Variants in RAB3B observed in about 807,000 individuals in gnomAD.
RAB3B encodes the protein ras-related protein Rab-3B.
In RAB3B, 11 loss-of-function variants were observed where a neutral mutation model predicts 20.5. That is an observed-to-expected ratio of 0.54 (90% confidence interval 0.34 to 0.89). The LOEUF (loss-of-function observed/expected upper bound fraction) is 0.89, where lower values mean the gene tolerates loss of function less well. Ranked by LOEUF, RAB3B falls within the 40% of genes least tolerant of loss-of-function variation. The probability of loss-of-function intolerance (pLI) is 0.02; values close to 1 mark genes in which losing one functional copy is unlikely to be tolerated. For missense variants in RAB3B, 225 were observed against 280.9 expected (o/e 0.80, Z 1.42); for synonymous variants, 99 against 106.3 (o/e 0.93, Z 0.42).
intron 2 of RAB3B, among the ~76,000 whole-genome samples, chr1:51,965,504 G>A (rs1010767833): frequency 2.6e-5 from 4 of 151,792 alleles, no homozygotes; most frequent in Non-Finnish European, 4.4e-5. Flanking sequence ...AAAATTAGCC[G>A]GGTGCGGTGG....
intron 4 of RAB3B, among the ~76,000 whole-genome samples, chr1:51,927,685 T>C (rs771506017): frequency 1.1e-4 from 16 of 152,292 alleles, no homozygotes; most frequent in Admixed American, 2.6e-4. Flanking sequence ...TAATCCCAGC[T>C]ATTTGGGATC....
chr1:51,952,462 T>C (rs930172386), intron 2 of RAB3B, among the ~76,000 whole-genome samples: 4 of 152,194 alleles, frequency 2.6e-5, no homozygotes, highest in African/African-American at 9.7e-5. Flanking sequence ...CCTCAATGTA[T>C]GTGGCATATC....
Position 51,912,588 on chromosome 1 carries a change from TATATATATATATA to T in RAB3B, c.*7326_*7338del, listed in dbSNP as rs1557958062. 4 of 81,818 alleles carry T rather than the reference TATATATATATATA, an allele frequency of 4.9e-5. No homozygotes were observed. Among genetic ancestry groups the T allele is most frequent in the Non-Finnish European group, 6.8e-5 (3 of 43,924 alleles). 5.1% of individuals were successfully genotyped at this position (81,818 alleles called of 1,614,324 possible). A position where few individuals can be genotyped will look rare whatever the true frequency, so the allele number is the denominator to read the frequency against. On this transcript the variant is annotated 3_prime_UTR_variant, in exon 5 of 5. Coordinates refer to ENST00000371655, the MANE Select transcript of RAB3B (RefSeq NM_002867.4). ...ATATATATATATATATATATATATA[TATATATATATATA>T]AAAAATGTTACTCCTGTGAGACAGA...
intron 2 of RAB3B, among the ~76,000 whole-genome samples, chr1:51,944,911 AAAG>A (rs1571965850): frequency 6.6e-6 from 1 of 152,362 alleles, no homozygotes; most frequent in East Asian, 1.9e-4. Flanking sequence ...TCAAATTTTT[AAAG>A]AAGTTCTACT....
intron 1 of RAB3B, among the ~76,000 whole-genome samples, chr1:51,983,846 G>C (rs1477506565): frequency 6.6e-6 from 1 of 151,774 alleles, no homozygotes. Context: ...TGTAATTCCA[G>C]CTAGTCAGGA....
intron 2 of RAB3B, 84 bp downstream of exon 2, chr1:51,976,806 C>A: frequency 8.0e-7 from 1 of 1,248,716 alleles, no homozygotes; most frequent in Non-Finnish European, 1.1e-6. Flanking sequence ...CCCAGAAGTT[C>A]CAAGCTGGCC....
At chr1:51,953,292 C>A (rs997499482) in intron 2 of RAB3B, among the ~76,000 whole-genome samples, 1 of 152,090 alleles carries the variant, frequency 6.6e-6, no homozygotes, top group African/African-American at 2.4e-5. Flanking sequence ...ACCTGCTGTA[C>A]CCTTTATGTG....
chr1:51,970,580 T>C (rs1684915189), intron 2 of RAB3B, among the ~76,000 whole-genome samples: 1 of 151,954 alleles, frequency 6.6e-6, no homozygotes, highest in Admixed American at 6.6e-5. Context: ...GCTCATAACC[T>C]CCTCTTCTTG....
intron 2 of RAB3B, among the ~76,000 whole-genome samples, chr1:51,952,862 G>C (rs1435316583): frequency 6.6e-6 from 1 of 151,978 alleles, no homozygotes; most frequent in East Asian, 1.9e-4. Flanking sequence ...CTCTTCCCCT[G>C]TTCTCTCCCT....
At chr1:51,981,469 C>T (rs1171684587) in intron 1 of RAB3B, among the ~76,000 whole-genome samples, 1 of 152,178 alleles carries the variant, frequency 6.6e-6, no homozygotes, top group Non-Finnish European at 1.5e-5. Flanking sequence ...ATTTATATAT[C>T]CTTCAGAGAT....
intron 2 of RAB3B, among the ~76,000 whole-genome samples, chr1:51,953,743 G>A (rs1201136664): frequency 6.6e-6 from 1 of 152,246 alleles, no homozygotes; most frequent in African/African-American, 2.4e-5. Context: ...GGAGGTTGCA[G>A]TGAGCCAAGG....
rs111828489 is a variant in RAB3B at position 51,949,811 on chromosome 1, C to T, written c.229-12399G>A. Among the ~76,000 whole-genome samples, 703 of 152,290 alleles carry T rather than the reference C, an allele frequency of 4.6e-3. 11 individuals are homozygous for T. Among genetic ancestry groups the T allele is most frequent in the African/African-American group, 0.016 (677 of 41,574 alleles). On this transcript the variant is annotated intron_variant, in intron 2 of 4. Transcript: ENST00000371655. ...TGGCCCCACCACTGCTTCTGTCGCA[C>T]GGGGTGGCTGCCTTCCACCAGTGGA...
intron 2 of RAB3B, among the ~76,000 whole-genome samples, chr1:51,945,148 T>G (rs1171322343): frequency 6.6e-6 from 1 of 152,120 alleles, no homozygotes; most frequent in Admixed American, 6.5e-5. Flanking sequence ...CTCAGATGAT[T>G]GTTAGCATTT....
Position 51,920,267 on chromosome 1 carries a change from G to A in RAB3B, c.473-153C>T, listed in dbSNP as rs74670919. Among the ~76,000 whole-genome samples, 268 of 152,322 alleles carry A rather than the reference G, an allele frequency of 1.8e-3. 1 individual carries two copies. The highest frequency in any genetic ancestry group is 6.2e-3 in the African/African-American group (256 of 41,566). On this transcript the variant is annotated intron_variant, in intron 4 of 4. Transcript: ENST00000371655. ...CCACGGACATGGGATTCTGCTTCAA[G>A]GAGACGGTACAGGGCAGGAGTTTCC...
intron 4 of RAB3B, among the ~76,000 whole-genome samples, chr1:51,929,058 C>T (rs1006217310): frequency 7.2e-5 from 11 of 152,206 alleles, no homozygotes; most frequent in African/African-American, 1.9e-4. Flanking sequence ...TGTTGCCATA[C>T]TTGCCTCCCC....
chr1:51,932,324 A>G (rs937133215), intron 4 of RAB3B, among the ~76,000 whole-genome samples: 4 of 152,198 alleles, frequency 2.6e-5, no homozygotes, highest in Non-Finnish European at 5.9e-5. Context: ...TCTAAAAGCT[A>G]AGCAGTACAT....
chr1:51,980,547 CTGTGCCCAATG>C, intron 1 of RAB3B: 1 of 743,244 alleles, frequency 1.3e-6, no homozygotes, highest in Non-Finnish European at 2.5e-6. Flanking sequence ...ACTGGATGAA[CTGTGCCCAATG>C]TGTGCCCAAG....
intron 3 of RAB3B, among the ~76,000 whole-genome samples, chr1:51,935,038 C>T (rs2124252589): frequency 6.6e-6 from 1 of 152,254 alleles, no homozygotes; most frequent in South Asian, 2.1e-4. Flanking sequence ...TTGTCTCTCT[C>T]CCTGAGGGCA....
At chr1:51,980,467 T>A in intron 1 of RAB3B, 7 of 613,326 alleles carry the variant, frequency 1.1e-5, no homozygotes, top group East Asian at 6.4e-5. Context: ...AGTCCATGCC[T>A]CCAAGATGAC....
Sources: gnomAD v4.1 joint callset for allele counts (sites outside exome capture counted in the v4.1 genomes callset) on GRCh38, gnomAD v4.1.1 for gene constraint, MANE v1.5 for transcripts, NCBI Gene and HGNC (gene_info 2026-07-23, HGNC 2026-07-21) for gene names.